Variants in SLC39A11 observed in about 807,000 individuals in gnomAD.
SLC39A11 encodes the protein solute carrier family 39 member 11.
In SLC39A11, 33 loss-of-function variants were observed where a neutral mutation model predicts 36.1. The ratio of observed to expected loss-of-function variants is 0.91; its 90% CI spans 0.69 to 1.22. The LOEUF (loss-of-function observed/expected upper bound fraction) is 1.22, where lower values mean the gene tolerates loss of function less well. SLC39A11 is among the 50% of genes most tolerant of loss of function. The pLI, the probability that SLC39A11 is intolerant of heterozygous loss-of-function variation, is 0.00. For missense variants in SLC39A11, 432 were observed against 430.3 expected, an observed-to-expected ratio of 1.00 and a Z score of -0.03; for synonymous variants, 166 against 170.3, an observed-to-expected ratio of 0.97 and a Z score of 0.20.
chr17:72,652,284 G>A (rs1299198966), intron 7 of SLC39A11, among the ~76,000 whole-genome samples: 2 of 152,226 alleles, frequency 1.3e-5, no homozygotes, highest in Non-Finnish European at 2.9e-5. Context: ...CCTGGGCATT[G>A]CAGACCCTAT....
In SLC39A11 at chr17:73,032,299, C is replaced by T. The variant is rs190058696; in HGVS notation, c.148-585G>A. Among the ~76,000 whole-genome samples the T allele has an allele frequency of 4.9e-3, 747 of 152,016 alleles. 2 individuals carry two copies. The highest frequency in any genetic ancestry group is 7.3e-3 in the Non-Finnish European group (493 of 67,974). ...TTGGCTCACTGCAACCTCCACCTCC[C>T]GGGTTCAAGTGATTTTCCTGCCTCA... On this transcript the variant is annotated intron_variant, in intron 3 of 9. Coordinates refer to ENST00000255559, the MANE Select transcript of SLC39A11 (RefSeq NM_139177.4).
At chr17:72,716,186 T>A (rs2073354065) in intron 7 of SLC39A11, among the ~76,000 whole-genome samples, 1 of 151,804 alleles carries the variant, frequency 6.6e-6, no homozygotes, top group Non-Finnish European at 1.5e-5. Flanking sequence ...CAGAGGCCCC[T>A]GGCAGATGGC....
chr17:72,903,271 G>GAA (rs11450652), intron 5 of SLC39A11, among the ~76,000 whole-genome samples: 2,530 of 113,304 alleles, frequency 0.022, 102 homozygotes, highest in African/African-American at 0.061. Flanking sequence ...GTCTCGAAAA[G>GAA]AAAAAAAAAA....
At chr17:72,846,018 C>CTCTTTTTTTTTTTTTTTT (rs2079035587) in intron 6 of SLC39A11, among the ~76,000 whole-genome samples, 2 of 57,956 alleles carry the variant, frequency 3.5e-5, no homozygotes, top group Non-Finnish European at 5.7e-5. Flanking sequence ...CTCTCTCTCT[C>CTCTTTTTTTTTTTTTTTT]TTTTTTTTTT....
At chr17:73,027,688 T>C (rs983971722) in intron 4 of SLC39A11, among the ~76,000 whole-genome samples, 3 of 152,188 alleles carry the variant, frequency 2.0e-5, no homozygotes, top group African/African-American at 7.2e-5. Context: ...AGTCATGTGT[T>C]AACCATTCTC....
intron 3 of SLC39A11, among the ~76,000 whole-genome samples, chr17:73,080,739 G>A (rs115342413): frequency 2.4e-3 from 359 of 152,166 alleles, no homozygotes; most frequent in African/African-American, 7.4e-3. Context: ...GAGGTCCAGC[G>A]TTTAAGACCA....
intron 4 of SLC39A11, among the ~76,000 whole-genome samples, chr17:72,978,058 G>A (rs752306233): frequency 6.6e-6 from 1 of 152,248 alleles, no homozygotes; most frequent in Non-Finnish European, 1.5e-5. Context: ...GGTGGTCGTT[G>A]AGAATCTTCC....
intron 4 of SLC39A11, among the ~76,000 whole-genome samples, chr17:72,975,735 G>C (rs191851016): frequency 6.6e-6 from 1 of 152,140 alleles, no homozygotes; most frequent in South Asian, 2.1e-4. Flanking sequence ...GATAGAAAGC[G>C]AACAATGACT....
At chr17:72,701,101 T>C (rs2072592646) in intron 7 of SLC39A11, among the ~76,000 whole-genome samples, 1 of 152,222 alleles carries the variant, frequency 6.6e-6, no homozygotes, top group South Asian at 2.1e-4. Flanking sequence ...TCCATCACAT[T>C]CCATCCCAGT....
At chr17:72,755,095 G>A (rs908114251) in intron 6 of SLC39A11, among the ~76,000 whole-genome samples, 24 of 152,194 alleles carry the variant, frequency 1.6e-4, no homozygotes, top group African/African-American at 2.4e-5. Context: ...GATTAGGAAT[G>A]TCAAGCTCAG....
At chr17:72,953,500 G>C (rs983484434) in intron 4 of SLC39A11, among the ~76,000 whole-genome samples, 2 of 152,216 alleles carry the variant, frequency 1.3e-5, no homozygotes, top group African/African-American at 4.8e-5. Context: ...GGGCTGTGCA[G>C]TGTGGCCTGC....
intron 5 of SLC39A11, among the ~76,000 whole-genome samples, chr17:72,920,325 C>G (rs8069126): frequency 0.71 from 107,591 of 150,976 alleles, 38,556 homozygotes; most frequent in East Asian, 0.88. Context: ...TGCAAGCTGG[C>G]TACCATTTTA....
chr17:72,827,920 G>C (rs2078100094), intron 6 of SLC39A11, among the ~76,000 whole-genome samples: 1 of 152,176 alleles, frequency 6.6e-6, no homozygotes, highest in Non-Finnish European at 1.5e-5. Flanking sequence ...TAAAGCAAGA[G>C]GGAAATACAG....
chr17:72,834,271 T>C (rs566934287), intron 6 of SLC39A11, among the ~76,000 whole-genome samples: 4 of 152,292 alleles, frequency 2.6e-5, no homozygotes, highest in African/African-American at 4.8e-5. Flanking sequence ...TTAACTCATG[T>C]AAATTTAGAG....
intron 6 of SLC39A11, among the ~76,000 whole-genome samples, chr17:72,756,596 G>A (rs1296795082): frequency 6.6e-6 from 1 of 152,220 alleles, no homozygotes; most frequent in Non-Finnish European, 1.5e-5. Flanking sequence ...TAAAGACAGA[G>A]AGTAGAATGG....
intron 6 of SLC39A11, among the ~76,000 whole-genome samples, chr17:72,829,943 G>C (rs1346753164): frequency 6.6e-6 from 1 of 151,928 alleles, no homozygotes; most frequent in East Asian, 1.9e-4. Context: ...AGGGGAGGAG[G>C]GGATCGGTGC....
At chr17:72,738,090 C>T (rs937045423) in intron 6 of SLC39A11, among the ~76,000 whole-genome samples, 4 of 152,146 alleles carry the variant, frequency 2.6e-5, no homozygotes, top group African/African-American at 2.4e-5. Context: ...CTGCAAGCTC[C>T]GCCTCCCGGG....
At chr17:72,795,558 T>C (rs1192355037) in intron 6 of SLC39A11, among the ~76,000 whole-genome samples, 2 of 152,112 alleles carry the variant, frequency 1.3e-5, no homozygotes, top group East Asian at 3.8e-4. Context: ...TTCCTATTTG[T>C]TAGAAGTGAA....
chr17:72,701,685 A>T (rs2072630004), intron 7 of SLC39A11, among the ~76,000 whole-genome samples: 1 of 141,262 alleles, frequency 7.1e-6, no homozygotes, highest in African/African-American at 2.6e-5. Context: ...CCGAGGTTGT[A>T]CCACTGTACT....
Sources: gnomAD v4.1 joint callset for allele counts (sites outside exome capture counted in the v4.1 genomes callset) on GRCh38, gnomAD v4.1.1 for gene constraint, MANE v1.5 for transcripts, NCBI Gene and HGNC (gene_info 2026-07-23, HGNC 2026-07-21) for gene names.